RNF17: variants seen among roughly 807,000 people sequenced by gnomAD.
RNF17 encodes the protein ring finger protein 17, also known as spermatogenesis associated 23.
A neutral mutation model predicts 200.5 loss-of-function variants in RNF17; 31 were observed. That is an observed-to-expected ratio of 0.15 (90% confidence interval 0.12 to 0.21). RNF17 has a LOEUF of 0.21. RNF17 is among the 10% of genes least tolerant of loss of function. RNF17 has a pLI of 1.00. For synonymous variants in RNF17, 606 were observed against 637.8 expected (o/e 0.95, Z 0.75); for missense variants, 1,628 against 1,905.1 (o/e 0.85, Z 2.71).
At chr13:24,881,882 ATATATAGATACATC>A (rs1953841845), downstream of RNF17, among the ~76,000 whole-genome samples, 1 of 119,268 alleles carries the variant, frequency 8.4e-6, no homozygotes, top group African/African-American at 2.9e-5. Flanking sequence ...ATCTATATAG[ATATATAGATACATC>A]TATATAGATA....
At chr13:24,760,276 G>A (rs114917384), upstream of RNF17, among the ~76,000 whole-genome samples, 216 of 152,218 alleles carry the variant, frequency 1.4e-3, 1 homozygote, top group African/African-American at 5.1e-3. Flanking sequence ...ATGATAAAAA[G>A]GGCCTAGTCA....
Position 24,788,159 on chromosome 13 carries a change from G to A in RNF17, c.783G>A (p.Gln261=). The part of the protein sequence containing the change: ...PSLRTYCDLN[Q]IIRTLQLTSD... ...TAAGAACATACTGTGACCTGAATCA[G>A]GTAATTTAATAGTTCACAATGTGAG... Residue 261 remains glutamine (Q), a splice_region_variant and synonymous_variant, in exon 7 of 36, where the codon CAG becomes CAA. Coordinates refer to ENST00000255324, the MANE Select transcript of RNF17 (RefSeq NM_031277.3). 1 of 1,577,666 alleles carries A rather than the reference G, an allele frequency of 6.3e-7. No homozygotes were observed. The highest frequency in any genetic ancestry group is 8.6e-7 in the Non-Finnish European group (1 of 1,168,256).
chr13:24,801,597 G>T (rs949477130), intron 13 of RNF17, among the ~76,000 whole-genome samples: 6 of 152,160 alleles, frequency 3.9e-5, no homozygotes, highest in African/African-American at 1.4e-4. Context: ...ACACCAGTCT[G>T]GGTGACAGAG....
At chr13:24,857,883 A>G (rs1394823739) in intron 25 of RNF17, among the ~76,000 whole-genome samples, 2 of 152,212 alleles carry the variant, frequency 1.3e-5, no homozygotes, top group Admixed American at 6.5e-5. Context: ...GCAACAGAGT[A>G]AGACCCTGTC....
intron 18 of RNF17, among the ~76,000 whole-genome samples, chr13:24,834,662 A>C (rs1317013046): frequency 6.6e-6 from 1 of 152,182 alleles, no homozygotes; most frequent in Non-Finnish European, 1.5e-5. Flanking sequence ...GGGGTAGAAG[A>C]AGCAGCAGAA....
In RNF17 at chr13:24,850,269, A is replaced by G. The variant is rs557993813; in HGVS notation, c.3102-72A>G. ...ACTATGAGTGTATCTGTGTGTAAAT[A>G]TAGTGTTTTTTGTATATTTCAATAT... On this transcript the variant is annotated intron_variant, in intron 22 of 35. Transcript: ENST00000255324. 83 of 916,302 alleles carry G rather than the reference A, an allele frequency of 9.1e-5. 1 individual carries two copies. In the South Asian group the frequency reaches 9.1e-4, roughly 10 times the overall value. The allele number at this position is 916,302 out of a possible 1,614,324, so 56.8% of individuals were successfully genotyped here.
At position 24,853,960 on chromosome 13, in the gene RNF17, C is replaced by A; in HGVS notation, c.3426C>A (p.Asp1142Glu). 1 of 1,614,058 alleles carries A rather than the reference C, an allele frequency of 6.2e-7. No homozygotes were observed. Among genetic ancestry groups the A allele is most frequent in the Admixed American group, 1.7e-5 (1 of 60,024 alleles). The part of the protein sequence containing the change: ...VVTNCIKTNF[D>E]PDKKTADIIS... Reference sequence around the variant, plus strand: ...CTAACTGTATTAAAACTAACTTTGACCCTGACAAGAAAACTGCTGACATAA... The same window carrying A: ...CTAACTGTATTAAAACTAACTTTGAACCTGACAAGAAAACTGCTGACATAA... The change falls in exon 25 of 36, where the codon GAC (aspartate) becomes GAA (glutamate). Residue 1142 changes from aspartate to glutamate, a missense_variant. By Grantham distance (45) the Asp-to-Glu change is conservative. This residue lies in a region of RNF17 where 609 missense variants were observed against 681.9 expected (regional missense o/e 0.89). Coordinates refer to ENST00000255324, the MANE Select transcript of RNF17 (RefSeq NM_031277.3).
At chr13:24,788,721 T>C (rs540937701) in intron 7 of RNF17, among the ~76,000 whole-genome samples, 4 of 152,188 alleles carry the variant, frequency 2.6e-5, no homozygotes, top group Non-Finnish European at 5.9e-5. Context: ...AAAAGTTTCT[T>C]ATACTTTGAC....
In RNF17 at chr13:24,825,740, A is replaced by C; in HGVS notation, c.2213A>C (p.Glu738Ala). Residue 738 changes from glutamate (E) to alanine (A), a missense_variant, in exon 16 of 36, where the codon GAA becomes GCA. Around this residue, in one of 5 missense-constraint regions of RNF17, gnomAD observed 289 missense variants for 384.9 expected, o/e 0.75. Transcript: ENST00000255324. Reference sequence around the variant, plus strand: ...GATCAAGCCTGTGTAGCTAAATTTGAAGATGGAATTTGGTACCGAGCAAAA... The same window carrying C: ...GATCAAGCCTGTGTAGCTAAATTTGCAGATGGAATTTGGTACCGAGCAAAA... Reference protein sequence around the residue: ...VQDQACVAKFEDGIWYRAKVI... With the variant: ...VQDQACVAKFADGIWYRAKVI... The C allele has an allele frequency of 6.2e-7, 1 of 1,613,538 alleles. No homozygotes were observed. Among genetic ancestry groups the C allele is most frequent in the South Asian group, 1.1e-5 (1 of 91,006 alleles).
chr13:24,878,403 A>G (rs1469291285), intron 34 of RNF17, among the ~76,000 whole-genome samples: 2 of 152,222 alleles, frequency 1.3e-5, no homozygotes, highest in Non-Finnish European at 1.5e-5. Flanking sequence ...ACCATAGGAT[A>G]TATGAGAGGA....
At chr13:24,779,242 G>C (rs1213790681) in intron 4 of RNF17, among the ~76,000 whole-genome samples, 1 of 151,960 alleles carries the variant, frequency 6.6e-6, no homozygotes, top group East Asian at 1.9e-4. Flanking sequence ...CTGGGGAAGG[G>C]GAGAAAGCAC....
chr13:24,872,681 TG>T (rs1342677559), intron 32 of RNF17, among the ~76,000 whole-genome samples: 4 of 151,946 alleles, frequency 2.6e-5, no homozygotes, highest in African/African-American at 4.8e-5. Flanking sequence ...CTTAAAGGAG[TG>T]TGTGTAATGC....
chr13:24,781,058 A>G (rs1882296584), intron 5 of RNF17, among the ~76,000 whole-genome samples: 1 of 152,168 alleles, frequency 6.6e-6, no homozygotes, highest in Non-Finnish European at 1.5e-5. Context: ...AATAAGATAG[A>G]CATTCCACAT....
intron 2 of RNF17, 75 bp downstream of exon 2, chr13:24,767,441 G>A (rs1428488662): frequency 4.8e-6 from 5 of 1,041,234 alleles, no homozygotes; most frequent in Admixed American, 2.0e-5. Flanking sequence ...GTAGTAAAAC[G>A]TACTTCTAGT....
At chr13:24,751,203 A>G in the RNF17 span, 1 of 152,016 alleles carries the variant, frequency 6.6e-6, no homozygotes, top group African/African-American at 2.4e-5. Flanking sequence ...CTTTCCTGGG[A>G]AATTGCTGAT....
intron 22 of RNF17, among the ~76,000 whole-genome samples, chr13:24,848,430 G>A (rs1276724695): frequency 2.6e-5 from 4 of 152,212 alleles, no homozygotes; most frequent in Middle Eastern, 3.2e-3. Context: ...GGGAGGCTGA[G>A]GCAGGCAGAT....
chr13:24,787,908 C>T (rs917168463), intron 6 of RNF17, 80 bp from the exon 7 acceptor site: 2 of 1,105,702 alleles, frequency 1.8e-6, no homozygotes, highest in Admixed American at 2.8e-5. Flanking sequence ...ACTGAACTTA[C>T]TCTTCAAGAT....
chr13:24,874,571 G>C (rs1894658951), intron 33 of RNF17, among the ~76,000 whole-genome samples: 1 of 151,822 alleles, frequency 6.6e-6, no homozygotes, highest in Non-Finnish European at 1.5e-5. Flanking sequence ...CACCATCCCG[G>C]CTAATTTTTT....
In RNF17 at chr13:24,781,849, T is replaced by A; in HGVS notation, c.516T>A (p.Leu172=). Residue 172 remains leucine (L), a synonymous_variant, in exon 6 of 36, where the codon CTT becomes CTA. Coordinates refer to ENST00000255324, the MANE Select transcript of RNF17 (RefSeq NM_031277.3). The part of the protein sequence containing the change: ...FEQLSIAGKA[L]EHMQKQTIEE... Reference sequence around the variant, plus strand: ...CTTGTTTTTTTTTTTTCCAGGCACTTGAACACATGCAGAAGCAAACGATAG... The same window carrying A: ...CTTGTTTTTTTTTTTTCCAGGCACTAGAACACATGCAGAAGCAAACGATAG... The A allele has an allele frequency of 1.9e-6, 3 of 1,596,804 alleles. No homozygotes were observed. The highest frequency in any genetic ancestry group is 2.6e-6 in the Non-Finnish European group (3 of 1,174,242).
Sources: allele counts gnomAD v4.1 joint callset (sites outside exome capture counted in the v4.1 genomes callset), GRCh38; gene constraint gnomAD v4.1.1; regional missense constraint gnomAD v4.1.1; transcripts MANE v1.5; gene names NCBI Gene and HGNC (gene_info 2026-07-23, HGNC 2026-07-21).